Variants in CNIH4 observed in about 807,000 individuals in gnomAD.
CNIH4 encodes cornichon family member 4.
In CNIH4, 9 loss-of-function variants were observed where a neutral mutation model predicts 21.5. The observed-to-expected ratio is 0.42, with a 90% CI of 0.25 to 0.73. The LOEUF is 0.73. Ranked by LOEUF, CNIH4 falls within the 30% of genes least tolerant of loss-of-function variation. The probability of loss-of-function intolerance (pLI) is 0.27; values close to 1 mark genes in which losing one functional copy is unlikely to be tolerated. For synonymous variants in CNIH4, 67 were observed against 59.1 expected, an observed-to-expected ratio of 1.13 and a Z score of -0.61; for missense variants, 159 against 170.0, an observed-to-expected ratio of 0.94 and a Z score of 0.36.
chr1:224,375,645 T>G (rs1672760703), intron 4 of CNIH4, 150 bp from the exon 5 acceptor site: 19 of 806,374 alleles, frequency 2.4e-5, no homozygotes, highest in Non-Finnish European at 3.2e-5. Context: ...TGAAAGATCC[T>G]AATATATTCT....
chr1:224,373,870 G>A (rs1672706715), intron 4 of CNIH4, among the ~76,000 whole-genome samples: 1 of 152,120 alleles, frequency 6.6e-6, no homozygotes, highest in Admixed American at 6.6e-5. Flanking sequence ...TGGACTGGAG[G>A]AATTAAGATG....
chr1:224,367,612 A>G (rs1672502496), intron 3 of CNIH4, among the ~76,000 whole-genome samples: 1 of 151,332 alleles, frequency 6.6e-6, no homozygotes, highest in African/African-American at 2.4e-5. Context: ...ATAGTGCACT[A>G]CAGCCTTGAA....
At position 224,370,468 on chromosome 1, in the gene CNIH4, G is replaced by C. The variant is rs180924137; in HGVS notation, c.252-815G>C. 2.8e-3 allele frequency among the ~76,000 whole-genome samples: 434 copies of C among 152,338 alleles called. 2 individuals are homozygous for C. Among genetic ancestry groups the C allele is most frequent in the South Asian group, 0.018 (86 of 4,826 alleles). ...TGAGAGCAGGAAGAATTCATGGACAGTGCTAGGTTAGGACATATATGTTAC... is the reference window on the plus strand; with the variant it reads ...TGAGAGCAGGAAGAATTCATGGACACTGCTAGGTTAGGACATATATGTTAC... On this transcript the variant is annotated intron_variant, in intron 3 of 4. Coordinates refer to ENST00000465271, the MANE Select transcript of CNIH4 (RefSeq NM_014184.4).
intron 2 of CNIH4, among the ~76,000 whole-genome samples, chr1:224,362,260 T>C (rs775047310): frequency 7.3e-5 from 11 of 151,448 alleles, no homozygotes; most frequent in Non-Finnish European, 1.0e-4. Context: ...TTTTTGTATT[T>C]TTTAGTGGAG....
rs895106534 is a variant in CNIH4, at chr1:224,376,191, G to A, written c.*369G>A. The A allele has an allele frequency of 6.0e-6, 6 of 1,007,932 alleles. No individual in the cohort carries two copies. The highest frequency in any genetic ancestry group is 7.1e-6 in the Non-Finnish European group (6 of 845,164). The allele number at this position is 1,007,932 out of a possible 1,614,324, so 62.4% of individuals were successfully genotyped here. ...ATGAGCGAGCAAAGGTGCCCTTCAG[G>A]TCTACTGAAAAGTTAGAGTACAAAA... On this transcript the variant is annotated 3_prime_UTR_variant, in exon 5 of 5. Coordinates refer to ENST00000465271, the MANE Select transcript of CNIH4 (RefSeq NM_014184.4).
intron 4 of CNIH4, among the ~76,000 whole-genome samples, chr1:224,373,550 C>T (rs189097134): frequency 6.6e-6 from 1 of 150,562 alleles, no homozygotes; most frequent in Admixed American, 6.6e-5. Flanking sequence ...TGGGGAGTGG[C>T]TGGGCTCGGT....
Position 224,376,918 on chromosome 1 carries a change from G to C in CNIH4, c.*1096G>C, listed in dbSNP as rs1011354247. ...TTGTGGTTTAATGTTGCTATCTTAAGCACTGGCATTTGGGCAAAACATGAC... is the reference window on the plus strand; with the variant it reads ...TTGTGGTTTAATGTTGCTATCTTAACCACTGGCATTTGGGCAAAACATGAC... On this transcript the variant is annotated 3_prime_UTR_variant, in exon 5 of 5. Coordinates refer to ENST00000465271, the MANE Select transcript of CNIH4 (RefSeq NM_014184.4). The C allele has an allele frequency of 1.0e-6, 1 of 985,274 alleles. No individual in the cohort carries two copies. 61.0% of individuals were successfully genotyped at this position (985,274 alleles called of 1,614,324 possible). A position where few individuals can be genotyped will look rare whatever the true frequency, so the allele number is the denominator to read the frequency against.
At chr1:224,372,021 G>A (rs532292806) in intron 4 of CNIH4, among the ~76,000 whole-genome samples, 4 of 152,188 alleles carry the variant, frequency 2.6e-5, no homozygotes, top group South Asian at 2.1e-4. Flanking sequence ...GTGCCTCAGC[G>A]ACCATCCCAC....
In CNIH4 at chr1:224,378,594, G is replaced by T. The variant is rs1672842821; in HGVS notation, c.*2772G>T. ...AGGCCTAGAGATCGTTCAGGGTGTT[G>T]TAACTGGGAACATCTGAATGCTGAG... On this transcript the variant is annotated 3_prime_UTR_variant, in exon 5 of 5. Transcript: ENST00000465271. 1 of 120,582 alleles carries T rather than the reference G, an allele frequency of 8.3e-6. No individual in the cohort carries two copies. Among genetic ancestry groups the T allele is most frequent in the African/African-American group, 3.2e-5 (1 of 31,150 alleles). The allele number at this position is 120,582 out of a possible 1,614,324, so 7.5% of individuals were successfully genotyped here.
intron 4 of CNIH4, among the ~76,000 whole-genome samples, chr1:224,374,408 C>CTTAACCT (rs1354338736): frequency 6.6e-6 from 1 of 150,858 alleles, no homozygotes; most frequent in African/African-American, 2.4e-5. Context: ...GGGCAAGTTT[C>CTTAACCT]GTTTCTTTTT....
intron 2 of CNIH4, 102 bp downstream of exon 2, chr1:224,360,665 G>A (rs1558394765): frequency 5.8e-6 from 3 of 520,338 alleles, no homozygotes; most frequent in East Asian, 3.3e-5. Flanking sequence ...TAGAGTACAT[G>A]TTGTCTCTTA....
chr1:224,365,831 C>A, intron 2 of CNIH4, 48 bp from the exon 3 acceptor site: 2 of 1,063,230 alleles, frequency 1.9e-6, no homozygotes, highest in Non-Finnish European at 3.0e-6. Flanking sequence ...CATGTACAGT[C>A]AGGAAGGACA....
chr1:224,357,042 G>T, intron 1 of CNIH4, 49 bp downstream of exon 1: 1 of 1,579,854 alleles, frequency 6.3e-7, no homozygotes, highest in Non-Finnish European at 8.6e-7. Flanking sequence ...ACACGGCTGA[G>T]GGTGGGCCAG....
intron 4 of CNIH4, among the ~76,000 whole-genome samples, 168 bp from the exon 5 acceptor site, chr1:224,375,620 GAAAAAGT>G (rs898885468): frequency 7.3e-5 from 11 of 151,718 alleles, no homozygotes; most frequent in African/African-American, 2.4e-4. Flanking sequence ...CTTTTTTAGT[GAAAAAGT>G]TTGGACATGA....
chr1:224,366,088 C>G, intron 3 of CNIH4, 97 bp downstream of exon 3: 2 of 785,972 alleles, frequency 2.5e-6, no homozygotes, highest in South Asian at 2.8e-5. Context: ...GTTACCCAGG[C>G]TGGAGTGCAG....
At chr1:224,375,709 C>T in intron 4 of CNIH4, 86 bp from the exon 5 acceptor site, 1 of 1,446,592 alleles carries the variant, frequency 6.9e-7, no homozygotes, top group Non-Finnish European at 9.6e-7. Context: ...CCTTTGTGAA[C>T]CTTAGGGACG....
chr1:224,357,650 C>T (rs999489224), intron 1 of CNIH4: 2 of 152,200 alleles, frequency 1.3e-5, no homozygotes, highest in Admixed American at 6.5e-5. Context: ...CAACTGTCTA[C>T]AAAGTGATTA....
chr1:224,365,767 T>C, intron 2 of CNIH4, 112 bp from the exon 3 acceptor site: 1 of 756,656 alleles, frequency 1.3e-6, no homozygotes, highest in Non-Finnish European at 2.4e-6. Flanking sequence ...AAAAATAATC[T>C]TGAAACAGTA....
At chr1:224,365,746 C>T in intron 2 of CNIH4, 133 bp from the exon 3 acceptor site, 1 of 678,760 alleles carries the variant, frequency 1.5e-6, no homozygotes, top group East Asian at 2.6e-5. Flanking sequence ...AAATCTGGGA[C>T]ATGGGAGTCT....
Sources: gnomAD v4.1 joint callset for allele counts (sites outside exome capture counted in the v4.1 genomes callset) on GRCh38, gnomAD v4.1.1 for gene constraint, MANE v1.5 for transcripts, NCBI Gene and HGNC (gene_info 2026-07-23, HGNC 2026-07-21) for gene names.